The following ULK2 variants were observed in gnomAD, a reference collection of about 807,000 sequenced individuals.
ULK2 encodes the protein unc-51 like autophagy activating kinase 2.
ULK2 carries 76 observed loss-of-function variants against 127.5 expected under a neutral mutation model. That is an observed-to-expected ratio of 0.60 (90% CI 0.50 to 0.72). The LOEUF is 0.72. ULK2 is among the 30% of genes least tolerant of loss of function. The pLI is 0.00. For missense variants in ULK2, 1,144 were observed against 1,295.9 expected, an observed-to-expected ratio of 0.88 and a Z score of 1.80; for synonymous variants, 452 against 461.9, an observed-to-expected ratio of 0.98 and a Z score of 0.28.
chr17:19,856,329 T>TC (rs1317477584), intron 3 of ULK2, among the ~76,000 whole-genome samples: 2 of 152,194 alleles, frequency 1.3e-5, no homozygotes, highest in African/African-American at 2.4e-5. Context: ...ACGCCTGTAA[T>TC]CCCAGCACTT....
chr17:19,796,039 T>C (rs1393933954), intron 19 of ULK2, 56 bp downstream of exon 19: 7 of 1,548,770 alleles, frequency 4.5e-6, no homozygotes, highest in Middle Eastern at 1.7e-4. Context: ...AACAGAAATC[T>C]ATGTTTTACT....
chr17:19,859,704 A>C (rs1356267139), intron 3 of ULK2, among the ~76,000 whole-genome samples: 1 of 152,082 alleles, frequency 6.6e-6, no homozygotes, highest in Non-Finnish European at 1.5e-5. Flanking sequence ...TACAGGACTC[A>C]CTCTGTCACC....
At chr17:19,861,959 A>C (rs1287639591) in intron 3 of ULK2, among the ~76,000 whole-genome samples, 5 of 152,210 alleles carry the variant, frequency 3.3e-5, no homozygotes. Context: ...TACAATCAAA[A>C]ATTTTAACAC....
intron 1 of ULK2, 74 bp from the exon 2 acceptor site, chr17:19,865,902 G>A (rs569582365): frequency 3.5e-5 from 30 of 849,586 alleles, no homozygotes; most frequent in South Asian, 3.2e-4. Flanking sequence ...CAAGCGCGAA[G>A]GTGTTTTTGG....
rs569965611 is a variant in ULK2 at position 19,784,457 on chromosome 17, G to A, written c.2252-552C>T. The stretch of plus-strand genomic sequence containing the variant: ...AAGAACTGTTATAGTACTCTCTAAC[G>A]CAGCCCTGAGTAAGCACATAGATCC... On this transcript the variant is annotated intron_variant, in intron 21 of 26. Coordinates refer to ENST00000395544, the MANE Select transcript of ULK2 (RefSeq NM_014683.4). Among the ~76,000 whole-genome samples, 193 of 146,050 alleles carry A rather than the reference G, an allele frequency of 1.3e-3. 1 individual carries two copies. Among genetic ancestry groups the A allele is most frequent in the African/African-American group, 4.1e-3 (164 of 39,746 alleles).
At chr17:19,838,227 A>C (rs1335805083) in intron 10 of ULK2, among the ~76,000 whole-genome samples, 1 of 150,178 alleles carries the variant, frequency 6.7e-6, no homozygotes, top group African/African-American at 2.5e-5. Flanking sequence ...ATACTTAGCA[A>C]CTTCTAATAT....
chr17:19,815,202 G>A (rs1430720852), intron 13 of ULK2, among the ~76,000 whole-genome samples: 2 of 152,070 alleles, frequency 1.3e-5, no homozygotes, highest in Non-Finnish European at 2.9e-5. Context: ...TATACCCCTA[G>A]CAAGAGCAGA....
rs770928670 is a variant in ULK2, at chr17:19,845,313, C to G, written c.534G>C (p.Pro178=). The change falls in exon 7 of 27, where the codon CCG becomes CCC. Residue 178 remains proline, a synonymous_variant. Transcript: ENST00000395544. The stretch of plus-strand genomic sequence containing the variant: ...GCAAACACTCACTCACCATGTACAT[C>G]GGGGATCCACACAGTGTTGCAGCCA... The part of the protein sequence containing the change: ...NMMAATLCGS[P]MYMAPEVIMS... 1 of 1,613,434 alleles carries G rather than the reference C, an allele frequency of 6.2e-7. No homozygotes were observed. The highest frequency in any genetic ancestry group is 8.5e-7 in the Non-Finnish European group (1 of 1,179,658).
chr17:19,850,682 G>A (rs920393312), intron 3 of ULK2, among the ~76,000 whole-genome samples: 5 of 151,690 alleles, frequency 3.3e-5, no homozygotes, highest in Admixed American at 6.6e-5. Flanking sequence ...AAAATTAGCC[G>A]GGCGTGGTGG....
intron 25 of ULK2, among the ~76,000 whole-genome samples, chr17:19,779,107 T>C (rs1339714044): frequency 1.3e-5 from 2 of 152,210 alleles, no homozygotes; most frequent in East Asian, 3.8e-4. Context: ...AGAATTTATA[T>C]TCCAAAGTTA....
chr17:19,803,095 GGAAA>G (rs1233464291), intron 15 of ULK2, among the ~76,000 whole-genome samples: 1 of 152,062 alleles, frequency 6.6e-6, no homozygotes, highest in Non-Finnish European at 1.5e-5. Context: ...TCTTCAAAGT[GGAAA>G]GACTTACCAT....
At chr17:19,779,268 C>T (rs771096995) in intron 25 of ULK2, among the ~76,000 whole-genome samples, 11 of 152,110 alleles carry the variant, frequency 7.2e-5, no homozygotes, top group Non-Finnish European at 1.5e-4. Flanking sequence ...CAGTGGCTCA[C>T]ACCTATAATC....
intron 10 of ULK2, 43 bp from the exon 11 acceptor site, chr17:19,826,229 C>A: frequency 8.1e-7 from 1 of 1,234,804 alleles, no homozygotes. Context: ...GAGACATTGA[C>A]TAAACTATCA....
intron 10 of ULK2, among the ~76,000 whole-genome samples, chr17:19,833,503 G>C (rs144510308): frequency 0.026 from 3,958 of 152,090 alleles, 161 homozygotes; most frequent in African/African-American, 0.09. Flanking sequence ...GAGCCCAGGA[G>C]TTCAAGACCA....
intron 10 of ULK2, among the ~76,000 whole-genome samples, chr17:19,834,769 G>A (rs892976070): frequency 6.6e-6 from 1 of 151,928 alleles, no homozygotes; most frequent in African/African-American, 2.4e-5. Flanking sequence ...AATTAGCTGG[G>A]CATGGTGGTG....
chr17:19,822,985 C>T (rs964135021), intron 12 of ULK2, among the ~76,000 whole-genome samples: 1 of 149,426 alleles, frequency 6.7e-6, no homozygotes, highest in East Asian at 2.0e-4. Flanking sequence ...CACACCCAGC[C>T]GGATTTTTTT....
chr17:19,802,923 T>A (rs2087431616), intron 15 of ULK2, among the ~76,000 whole-genome samples: 1 of 152,176 alleles, frequency 6.6e-6, no homozygotes, highest in Non-Finnish European at 1.5e-5. Flanking sequence ...GCTGATACAT[T>A]AAACAATATC....
chr17:19,783,537 T>C (rs1488671059), intron 22 of ULK2, among the ~76,000 whole-genome samples, 160 bp downstream of exon 22: 1 of 152,168 alleles, frequency 6.6e-6, no homozygotes, highest in Non-Finnish European at 1.5e-5. Flanking sequence ...TCACTGTCAA[T>C]GTTAATTTAA....
chr17:19,856,587 C>CAA (rs567938395), intron 3 of ULK2, among the ~76,000 whole-genome samples: 1 of 135,846 alleles, frequency 7.4e-6, no homozygotes, highest in Non-Finnish European at 1.6e-5. Flanking sequence ...GTCACACACA[C>CAA]AAAAAAAAAA....
Sources: gnomAD v4.1 joint callset for allele counts (sites outside exome capture counted in the v4.1 genomes callset) on GRCh38, gnomAD v4.1.1 for gene constraint, MANE v1.5 for transcripts, NCBI Gene and HGNC (gene_info 2026-07-23, HGNC 2026-07-21) for gene names.